The following STYXL2 variants were observed in gnomAD, a reference collection of about 807,000 sequenced individuals.
STYXL2 encodes the protein serine/threonine/tyrosine interacting like 2.
STYXL2 carries 44 observed loss-of-function variants against 52.4 expected under a neutral mutation model. That is an observed-to-expected ratio of 0.84 (90% CI 0.66 to 1.08). STYXL2 has a LOEUF of 1.08. Ranked by LOEUF, STYXL2 falls within the 50% of genes least tolerant of loss-of-function variation. The pLI is 0.00. For missense variants in STYXL2, 1,604 were observed against 1,471.7 expected (o/e 1.09, Z -1.47); for synonymous variants, 604 against 586.9 (o/e 1.03, Z -0.42).
At chr1:167,095,024 C>T in intron 2 of STYXL2, 65 bp downstream of exon 2, 1 of 1,262,816 alleles carries the variant, frequency 7.9e-7, no homozygotes, top group East Asian at 2.5e-5. Context: ...CAGGTTGGGC[C>T]ATTAGCTCCA....
intron 2 of STYXL2, among the ~76,000 whole-genome samples, chr1:167,103,641 ACT>A (rs1667445746): frequency 6.6e-6 from 1 of 152,104 alleles, no homozygotes; most frequent in African/African-American, 2.4e-5. Context: ...ACTATGAGTC[ACT>A]CTCTGGAAGA....
intron 1 of STYXL2, chr1:167,094,505 G>C (rs563271772): frequency 3.4e-6 from 1 of 294,736 alleles, no homozygotes; most frequent in East Asian, 8.4e-5. Flanking sequence ...CTGGTCCAGG[G>C]AAGTCATTGT....
chr1:167,111,469 CATATATATAT>C (rs776014246), intron 2 of STYXL2, among the ~76,000 whole-genome samples: 98 of 79,920 alleles, frequency 1.2e-3, no homozygotes, highest in South Asian at 4.7e-3. Flanking sequence ...AAATATGGTA[CATATATATAT>C]ATATATATAT....
intron 5 of STYXL2, among the ~76,000 whole-genome samples, chr1:167,124,816 TA>T (rs753658820): frequency 7.2e-5 from 11 of 152,104 alleles, no homozygotes; most frequent in Non-Finnish European, 1.6e-4. Context: ...TATCCTCCCA[TA>T]TTGCAAGTTT....
At chr1:167,107,829 A>G (rs1280778679) in intron 2 of STYXL2, among the ~76,000 whole-genome samples, 1 of 152,250 alleles carries the variant, frequency 6.6e-6, no homozygotes, top group African/African-American at 2.4e-5. Flanking sequence ...CACATCTGAT[A>G]GAAGTGCCAT....
chr1:167,110,177 A>T lies in STYXL2; in HGVS notation c.111-3533A>T, dbSNP rs573584144. ...GCCCCATCTCTAGTGGAAGGAGGAGAGCACCACATCAAGAGAACACCACAT... is the reference window on the plus strand; with the variant it reads ...GCCCCATCTCTAGTGGAAGGAGGAGTGCACCACATCAAGAGAACACCACAT... On this transcript the variant is annotated intron_variant, in intron 2 of 5. Transcript: ENST00000361200. Among the ~76,000 whole-genome samples the T allele has an allele frequency of 4.6e-5, 7 of 152,306 alleles. No individual in the cohort carries two copies. In the East Asian group the frequency reaches 1.2e-3, roughly 25 times the overall value.
intron 2 of STYXL2, among the ~76,000 whole-genome samples, chr1:167,099,576 A>T (rs1202927744): frequency 6.6e-6 from 1 of 152,264 alleles, no homozygotes; most frequent in South Asian, 2.1e-4. Flanking sequence ...TCACAATTCA[A>T]TACTACTACA....
intron 2 of STYXL2, among the ~76,000 whole-genome samples, chr1:167,111,018 C>T (rs1277099823): frequency 6.6e-6 from 1 of 152,110 alleles, no homozygotes; most frequent in Non-Finnish European, 1.5e-5. Flanking sequence ...TTTCCTAACA[C>T]CAGGTTTTCA....
At chr1:167,104,392 C>A (rs927457702) in intron 2 of STYXL2, among the ~76,000 whole-genome samples, 1 of 152,152 alleles carries the variant, frequency 6.6e-6, no homozygotes, top group Non-Finnish European at 1.5e-5. Context: ...AAGGCTCGAT[C>A]AGGCTTCCTG....
intron 3 of STYXL2, among the ~76,000 whole-genome samples, chr1:167,116,148 G>A (rs761024124): frequency 2.0e-5 from 3 of 152,040 alleles, no homozygotes; most frequent in Non-Finnish European, 4.4e-5. Flanking sequence ...TCAGTATTTT[G>A]GCTACCATGT....
At chr1:167,097,157 T>C (rs893053547) in intron 2 of STYXL2, among the ~76,000 whole-genome samples, 4 of 152,234 alleles carry the variant, frequency 2.6e-5, no homozygotes, top group African/African-American at 9.6e-5. Flanking sequence ...CCTAGCTGTC[T>C]TGCTTGTCCA....
rs774417693 is a variant in STYXL2 at position 167,119,505 on chromosome 1, CG to C, written c.655+44del. 3.2e-6 allele frequency: 5 copies of C among 1,577,014 alleles called. No homozygotes were observed. The South Asian group carries it at 4.5e-5, about 14-fold the overall frequency. The stretch of plus-strand genomic sequence containing the variant: ...GCCGCTCCAGGCTGCTGGAATTCCA[CG>C]GGGGAAAAGTAATGTGGGGAATGTT... On this transcript the variant is annotated intron_variant, in intron 5 of 5. Transcript: ENST00000361200.
In STYXL2 at chr1:167,128,009, G is replaced by A. The variant is rs1668013361; in HGVS notation, c.2878G>A (p.Gly960Arg). 4 of 1,614,124 alleles carry A rather than the reference G, an allele frequency of 2.5e-6. No homozygotes were observed. The African/African-American group carries it at 4.0e-5, about 16-fold the overall frequency. ...AAGTGACTGGTCTGGAAGTTCCAGA[G>A]GGAAGTACACCAGATCGTCCCTGCT... ...FQSDWSGSSR[G>R]KYTRSSLLRE... The change falls in exon 6 of 6, where the codon GGG (glycine) becomes AGG (arginine). Residue 960 changes from glycine to arginine, a missense_variant. Physicochemically the swap from Gly to Arg is moderately radical, Grantham distance 125 (BLOSUM62 -2). Transcript: ENST00000361200.
At chr1:167,121,393 T>C (rs186353409) in intron 5 of STYXL2, among the ~76,000 whole-genome samples, 16 of 152,092 alleles carry the variant, frequency 1.1e-4, no homozygotes, top group African/African-American at 3.9e-4. Flanking sequence ...GCGTAAGGAG[T>C]GTGTCCCACC....
Position 167,125,827 on chromosome 1 carries a change from A to T in STYXL2, c.696A>T (p.Ser232=). 6.2e-7 allele frequency: 1 copy of T among 1,611,686 alleles called. No individual in the cohort carries two copies. The highest frequency in any genetic ancestry group is 8.5e-7 in the Non-Finnish European group (1 of 1,179,080). The change falls in exon 6 of 6, where the codon TCA becomes TCT. Residue 232 remains serine, a synonymous_variant. Coordinates refer to ENST00000361200, the MANE Select transcript of STYXL2 (RefSeq NM_001080426.3). ...LVSSEMGISR[S]AVLVVAYLMI... is the part of the protein sequence containing the mutation. ...GCAGCGAAATGGGCATCAGCCGGTC[A>T]GCAGTGCTGGTGGTCGCCTACCTGA... is the stretch of plus-strand genomic sequence containing the variant.
chr1:167,094,706 T>C (rs1667243446), intron 1 of STYXL2, 128 bp from the exon 2 acceptor site: 13 of 653,320 alleles, frequency 2.0e-5, no homozygotes, highest in Non-Finnish European at 3.3e-5. Context: ...TATTCCTTGC[T>C]GGTCTTTTGC....
Position 167,126,017 on chromosome 1 carries a change from G to C in STYXL2, c.886G>C (p.Glu296Gln). 6.2e-7 allele frequency: 1 copy of C among 1,603,268 alleles called. No individual in the cohort carries two copies. The highest frequency in any genetic ancestry group is 8.5e-7 in the Non-Finnish European group (1 of 1,174,862). Residue 296 changes from glutamate to glutamine, a missense_variant, in exon 6 of 6, where the codon GAG becomes CAG. Transcript: ENST00000361200. ...CCGGGAGGGGGGATCAGCTGAGGCT[G>C]AGGAGGGCGAGGGCACTGGGAGCAT... ...YGREGGSAEA[E>Q]EGEGTGSMLG... is the part of the protein sequence containing the mutation.
chr1:167,117,782 T>C (rs1667762020), intron 4 of STYXL2, among the ~76,000 whole-genome samples: 1 of 152,196 alleles, frequency 6.6e-6, no homozygotes, highest in African/African-American at 2.4e-5. Context: ...TCCTTTGCCC[T>C]CTTGCCAGGA....
At chr1:167,123,749 G>A (rs987766783) in intron 5 of STYXL2, among the ~76,000 whole-genome samples, 5 of 151,820 alleles carry the variant, frequency 3.3e-5, no homozygotes, top group Admixed American at 6.6e-5. Flanking sequence ...TCAGCCTCCC[G>A]AATAGCTGGA....
Sources: allele counts gnomAD v4.1 joint callset (sites outside exome capture counted in the v4.1 genomes callset), GRCh38; gene constraint gnomAD v4.1.1; transcripts MANE v1.5; gene names NCBI Gene and HGNC (gene_info 2026-07-23, HGNC 2026-07-21).